Variants in ALCAM observed in about 807,000 individuals in gnomAD.
ALCAM encodes CD166 antigen.
In ALCAM, 30 loss-of-function variants were observed where a neutral mutation model predicts 70.9. The ratio of observed to expected loss-of-function variants is 0.42; its 90% CI spans 0.32 to 0.57. The LOEUF is 0.57. Among genes scored for constraint, ALCAM ranks in the 20% least tolerant of loss-of-function variants. ALCAM has a pLI of 0.11. For synonymous variants in ALCAM, 249 were observed against 242.5 expected (o/e 1.03, Z -0.25); for missense variants, 591 against 695.1 (o/e 0.85, Z 1.68).
chr3:105,488,424 C>A (rs1273054190), intron 1 of ALCAM, among the ~76,000 whole-genome samples: 1 of 151,986 alleles, frequency 6.6e-6, no homozygotes, highest in Non-Finnish European at 1.5e-5. Context: ...ACTAATAAAG[C>A]TTTAATTTAG....
At chr3:105,412,035 G>A (rs993476921) in intron 1 of ALCAM, among the ~76,000 whole-genome samples, 2 of 152,032 alleles carry the variant, frequency 1.3e-5, no homozygotes, top group Non-Finnish European at 2.9e-5. Flanking sequence ...GGTTGCTGAA[G>A]GAGGAAATAG....
intron 1 of ALCAM, among the ~76,000 whole-genome samples, chr3:105,405,304 A>G (rs910614129): frequency 2.3e-5 from 3 of 131,580 alleles, no homozygotes; most frequent in African/African-American, 8.2e-5. Flanking sequence ...AAAAAAAAAA[A>G]GACAAAGAGG....
intron 1 of ALCAM, among the ~76,000 whole-genome samples, chr3:105,432,086 T>C (rs1323221069): frequency 6.6e-6 from 1 of 152,172 alleles, no homozygotes; most frequent in East Asian, 1.9e-4. Flanking sequence ...GACATATGAA[T>C]ACTCTATTCT....
rs189472267 is a variant in ALCAM at position 105,405,970 on chromosome 3, C to T, written c.73+38489C>T. ...GGAAGAGAGTTTTTATTTCTGTAAC[C>T]GGTTACAGGGAGAAGACCTGGAAAT... On this transcript the variant is annotated intron_variant, in intron 1 of 15. Transcript: ENST00000306107. Among the ~76,000 whole-genome samples the T allele has an allele frequency of 1.7e-3, 266 of 152,204 alleles. 2 individuals are homozygous for T. The highest frequency in any genetic ancestry group is 2.1e-3 in the Non-Finnish European group (141 of 68,002).
chr3:105,502,641 C>A (rs760718698), intron 1 of ALCAM, among the ~76,000 whole-genome samples: 5 of 152,252 alleles, frequency 3.3e-5, no homozygotes, highest in Non-Finnish European at 7.3e-5. Context: ...AGACTGCTAT[C>A]TCTCAGTTAC....
At chr3:105,570,909 A>G (rs572211260) in intron 14 of ALCAM, among the ~76,000 whole-genome samples, 2 of 152,130 alleles carry the variant, frequency 1.3e-5, no homozygotes, top group Non-Finnish European at 2.9e-5. Flanking sequence ...ATGGTCTGCA[A>G]TTGTCTCTTA....
intron 1 of ALCAM, among the ~76,000 whole-genome samples, chr3:105,449,248 T>TG (rs1937367261): frequency 6.6e-6 from 1 of 152,202 alleles, no homozygotes. Context: ...ATGGTCTGCT[T>TG]GGCTGCAGGT....
intron 14 of ALCAM, among the ~76,000 whole-genome samples, chr3:105,561,411 G>A (rs1016411452): frequency 2.0e-5 from 3 of 151,982 alleles, no homozygotes; most frequent in Admixed American, 6.6e-5. Context: ...TCCAATACAC[G>A]GCTGAATAGA....
At chr3:105,561,904 G>A (rs62262967) in intron 14 of ALCAM, among the ~76,000 whole-genome samples, 13,323 of 152,242 alleles carry the variant, frequency 0.088, 825 homozygotes, top group East Asian at 0.19. Flanking sequence ...ACAAAAGCAT[G>A]GAGTATGGCC....
intron 1 of ALCAM, among the ~76,000 whole-genome samples, chr3:105,459,863 C>G (rs551162508): frequency 1.3e-5 from 2 of 152,100 alleles, no homozygotes; most frequent in Admixed American, 1.3e-4. Context: ...GGTTTCTTAC[C>G]CACTCTAATA....
At chr3:105,383,901 T>C (rs1031654814) in intron 1 of ALCAM, among the ~76,000 whole-genome samples, 3 of 151,746 alleles carry the variant, frequency 2.0e-5, no homozygotes, top group African/African-American at 7.2e-5. Flanking sequence ...TATTAGTTCT[T>C]CTATTTTTAA....
At chr3:105,562,707 A>C (rs1559657763) in intron 14 of ALCAM, among the ~76,000 whole-genome samples, 1 of 152,186 alleles carries the variant, frequency 6.6e-6, no homozygotes, top group Non-Finnish European at 1.5e-5. Flanking sequence ...TTAATTCGTT[A>C]AATATTTGAT....
chr3:105,552,854 A>C, intron 14 of ALCAM: 1 of 1,220,644 alleles, frequency 8.2e-7, no homozygotes, highest in Non-Finnish European at 1.0e-6. Context: ...TCAGTGCTTG[A>C]GTGAATTTTT....
At position 105,367,378 on chromosome 3, in the gene ALCAM, C is replaced by G; in HGVS notation, c.-31C>G. 3 of 1,612,128 alleles carry G rather than the reference C, an allele frequency of 1.9e-6. No homozygotes were observed. Among genetic ancestry groups the G allele is most frequent in the Non-Finnish European group, 2.5e-6 (3 of 1,178,750 alleles). On this transcript the variant is annotated 5_prime_UTR_variant, in exon 1 of 16. Coordinates refer to ENST00000306107, the MANE Select transcript of ALCAM (RefSeq NM_001627.4). ...ACGCCCCCTCCTGCGGCGTGGACTC[C>G]GTCAGTGGCCCACCAAGAAGGAGGA...
At chr3:105,573,907 A>G (rs953374497) in intron 15 of ALCAM, among the ~76,000 whole-genome samples, 30 of 152,198 alleles carry the variant, frequency 2.0e-4, no homozygotes, top group Non-Finnish European at 4.0e-4. Flanking sequence ...AATAATTGAA[A>G]CAAGACTTGG....
At chr3:105,389,387 T>TG (rs1171036415) in intron 1 of ALCAM, among the ~76,000 whole-genome samples, 8 of 135,922 alleles carry the variant, frequency 5.9e-5, no homozygotes, top group Non-Finnish European at 8.0e-5. Context: ...TTTTTTTTTT[T>TG]TTTTTTTTTT....
chr3:105,471,381 G>C (rs552274512), intron 1 of ALCAM, among the ~76,000 whole-genome samples: 2 of 151,406 alleles, frequency 1.3e-5, no homozygotes, highest in South Asian at 4.1e-4. Flanking sequence ...TAAAAATCCT[G>C]ATTATTATCC....
At chr3:105,529,029 T>TA (rs1429482373) in intron 3 of ALCAM, among the ~76,000 whole-genome samples, 2 of 152,162 alleles carry the variant, frequency 1.3e-5, no homozygotes, top group African/African-American at 4.8e-5. Flanking sequence ...ACACACCTTG[T>TA]AAAATACTAT....
intron 1 of ALCAM, among the ~76,000 whole-genome samples, chr3:105,440,124 G>A (rs1262224074): frequency 6.6e-6 from 1 of 152,140 alleles, no homozygotes; most frequent in Non-Finnish European, 1.5e-5. Context: ...AACGTGATCA[G>A]GCTAAAGCTT....
Sources: allele counts gnomAD v4.1 joint callset (sites outside exome capture counted in the v4.1 genomes callset), GRCh38; gene constraint gnomAD v4.1.1; transcripts MANE v1.5; gene names NCBI Gene and HGNC (gene_info 2026-07-23, HGNC 2026-07-21).